Variants in HMGCLL1 observed in about 807,000 individuals in gnomAD.
HMGCLL1 encodes 3-hydroxy-3-methylglutaryl-CoA lyase like 1, also known as 3-hydroxymethyl-3-methylglutaryl-CoA lyase, cytoplasmic.
In HMGCLL1, 36 loss-of-function variants were observed where a neutral mutation model predicts 39.1. The ratio of observed to expected loss-of-function variants is 0.92; its 90% CI spans 0.71 to 1.22. HMGCLL1 has a LOEUF of 1.22. Ranked by LOEUF, HMGCLL1 falls within the 50% of genes most tolerant of loss-of-function variation. The pLI is 0.00. For synonymous variants in HMGCLL1, 149 were observed against 144.0 expected, an observed-to-expected ratio of 1.03 and a Z score of -0.25; for missense variants, 451 against 416.5, an observed-to-expected ratio of 1.08 and a Z score of -0.72.
the HMGCLL1 span, among the ~76,000 whole-genome samples, chr6:55,648,085 C>G: frequency 7.4e-6 from 1 of 135,298 alleles, no homozygotes; most frequent in Non-Finnish European, 1.6e-5. Context: ...CATGTCCCTA[C>G]AAAGGATATG....
At chr6:55,640,261 A>C in the HMGCLL1 span, among the ~76,000 whole-genome samples, 1 of 152,156 alleles carries the variant, frequency 6.6e-6, no homozygotes, top group Non-Finnish European at 1.5e-5. Flanking sequence ...CTCAATACAT[A>C]CAAATAACAA....
rs542642309 is a variant in HMGCLL1 at position 55,550,072 on chromosome 6, C to G, written c.109-7932G>C. ...TTCTCAGAAAACAACAATCTATGGT[C>G]CCTTATACTTCTTGATATGTGAACA... On this transcript the variant is annotated intron_variant, in intron 1 of 8. Coordinates refer to ENST00000274901, the MANE Select transcript of HMGCLL1 (RefSeq NM_001042406.2). 7.0e-4 allele frequency among the ~76,000 whole-genome samples: 107 copies of G among 151,984 alleles called. 2 individuals are homozygous for G. Among genetic ancestry groups the G allele is most frequent in the African/African-American group, 2.5e-3 (103 of 41,324 alleles).
chr6:55,664,126 C>T, the HMGCLL1 span, among the ~76,000 whole-genome samples: 1 of 151,706 alleles, frequency 6.6e-6, no homozygotes, highest in Admixed American at 6.6e-5. Flanking sequence ...TTTTATGCAG[C>T]CTGTCATTCT....
chr6:55,601,256 G>A, the HMGCLL1 span, among the ~76,000 whole-genome samples: 1 of 152,224 alleles, frequency 6.6e-6, no homozygotes, highest in Admixed American at 6.5e-5. Flanking sequence ...GCTTTTTCCA[G>A]CATCTACAGT....
chr6:55,441,593 C>G (rs966074354), intron 7 of HMGCLL1, among the ~76,000 whole-genome samples: 5 of 152,112 alleles, frequency 3.3e-5, no homozygotes, highest in Admixed American at 2.6e-4. Flanking sequence ...TGGGAGCTCA[C>G]CAGTATACCA....
chr6:55,542,148 G>A lies in HMGCLL1; in HGVS notation c.109-8C>T. 2 of 1,581,906 alleles carry A rather than the reference G, an allele frequency of 1.3e-6. No homozygotes were observed. The highest frequency in any genetic ancestry group is 1.7e-6 in the Non-Finnish European group (2 of 1,155,048). ...AGATAACTGGGATGTTTCCTGAAAT[G>A]CAAAATGTAAGAACAAGATAACGTA... On this transcript the variant is annotated splice_polypyrimidine_tract_variant and splice_region_variant and intron_variant, in intron 1 of 8. Coordinates refer to ENST00000274901, the MANE Select transcript of HMGCLL1 (RefSeq NM_001042406.2).
chr6:55,627,076 A>G, the HMGCLL1 span, among the ~76,000 whole-genome samples: 1 of 125,922 alleles, frequency 7.9e-6, no homozygotes, highest in African/African-American at 2.9e-5. Flanking sequence ...AAAAAAAAAT[A>G]CAACCACTGA....
At chr6:55,479,965 CT>C (rs1218238887) in intron 7 of HMGCLL1, among the ~76,000 whole-genome samples, 4 of 151,366 alleles carry the variant, frequency 2.6e-5, no homozygotes, top group African/African-American at 9.8e-5. Flanking sequence ...CATTTTTTTC[CT>C]TCAAAAATTT....
intron 1 of HMGCLL1, among the ~76,000 whole-genome samples, chr6:55,572,456 T>A (rs917198434): frequency 1.3e-5 from 2 of 152,092 alleles, no homozygotes; most frequent in Admixed American, 1.3e-4. Context: ...AAAGAGCAGA[T>A]ACTAAAATTG....
chr6:55,657,214 T>G, the HMGCLL1 span, among the ~76,000 whole-genome samples: 2 of 151,976 alleles, frequency 1.3e-5, no homozygotes, highest in Admixed American at 6.6e-5. Flanking sequence ...AGAGATCCCA[T>G]TTTGTCAATT....
chr6:55,597,496 A>G, the HMGCLL1 span, among the ~76,000 whole-genome samples: 11 of 151,932 alleles, frequency 7.2e-5, no homozygotes, highest in Non-Finnish European at 1.3e-4. Flanking sequence ...GAATTGAAGT[A>G]CAAAACATAT....
At chr6:55,456,365 G>C (rs932189383) in intron 7 of HMGCLL1, among the ~76,000 whole-genome samples, 1 of 152,158 alleles carries the variant, frequency 6.6e-6, no homozygotes, top group African/African-American at 2.4e-5. Context: ...GAAAATATAT[G>C]AGATAAAAAT....
the HMGCLL1 span, among the ~76,000 whole-genome samples, chr6:55,592,373 TTAG>T: frequency 6.6e-6 from 1 of 152,090 alleles, no homozygotes; most frequent in Non-Finnish European, 1.5e-5. Context: ...TAACAAAAGT[TTAG>T]AAGATATGGA....
chr6:55,529,599 A>T (rs1197450070), intron 3 of HMGCLL1, among the ~76,000 whole-genome samples: 1 of 152,158 alleles, frequency 6.6e-6, no homozygotes, highest in African/African-American at 2.4e-5. Context: ...GATATAAGAC[A>T]GAACTTTAAA....
At chr6:55,461,128 C>CTA (rs1444646068) in intron 7 of HMGCLL1, among the ~76,000 whole-genome samples, 1 of 151,820 alleles carries the variant, frequency 6.6e-6, no homozygotes, top group Non-Finnish European at 1.5e-5. Context: ...TTTTGGAGTG[C>CTA]TTTGTTGACA....
chr6:55,635,182 C>T, the HMGCLL1 span, among the ~76,000 whole-genome samples: 1 of 151,602 alleles, frequency 6.6e-6, no homozygotes, highest in Non-Finnish European at 1.5e-5. Flanking sequence ...CCCATGACAA[C>T]AAAAATAGAA....
In HMGCLL1 at chr6:55,579,038, G is replaced by C; in HGVS notation, c.18C>G (p.Ser6=). The change falls in exon 1 of 9, where the codon TCC becomes TCG. Residue 6 remains serine (S), a synonymous_variant. Transcript: ENST00000274901. Reference sequence around the variant, plus strand: ...GGTAGCTGAGGCAGTGCTTCACCGCGGATGGCACATTCCCCATGGCGGAGC... The same window carrying C: ...GGTAGCTGAGGCAGTGCTTCACCGCCGATGGCACATTCCCCATGGCGGAGC... The part of the protein sequence containing the change: MGNVP[S]AVKHCLSYQQ... 1 of 1,612,020 alleles carries C rather than the reference G, an allele frequency of 6.2e-7. No homozygotes were observed. The highest frequency in any genetic ancestry group is 8.5e-7 in the Non-Finnish European group (1 of 1,179,038).
At chr6:55,470,504 C>T (rs1764998941) in intron 7 of HMGCLL1, among the ~76,000 whole-genome samples, 1 of 151,876 alleles carries the variant, frequency 6.6e-6, no homozygotes, top group South Asian at 2.1e-4. Flanking sequence ...CAAAAAGTCC[C>T]AAAATGGTTA....
At chr6:55,454,073 C>A (rs1313887303) in intron 7 of HMGCLL1, among the ~76,000 whole-genome samples, 1 of 152,152 alleles carries the variant, frequency 6.6e-6, no homozygotes, top group Non-Finnish European at 1.5e-5. Context: ...CATTAAATAA[C>A]TTTTTTTCCA....
Sources: gnomAD v4.1 joint callset for allele counts (sites outside exome capture counted in the v4.1 genomes callset) on GRCh38, gnomAD v4.1.1 for gene constraint, MANE v1.5 for transcripts, NCBI Gene and HGNC (gene_info 2026-07-23, HGNC 2026-07-21) for gene names.